Variants in NFYB observed in about 807,000 individuals in gnomAD.
The protein encoded by NFYB is nuclear transcription factor Y subunit beta.
Under a neutral mutation model 28.0 loss-of-function variants are expected in NFYB, and 13 were observed. That is an observed-to-expected ratio of 0.46 (90% CI 0.30 to 0.74). The LOEUF is 0.74. NFYB is among the 30% of genes least tolerant of loss of function. The pLI, the probability that NFYB is intolerant of heterozygous loss-of-function variation, is 0.07. For synonymous variants in NFYB, 74 were observed against 75.0 expected (o/e 0.99, Z 0.07); for missense variants, 142 against 247.6 (o/e 0.57, Z 2.86).
At chr12:104,119,961 A>G (rs2030402111) in intron 7 of NFYB, among the ~76,000 whole-genome samples, 192 bp from the exon 8 acceptor site, 1 of 152,156 alleles carries the variant, frequency 6.6e-6, no homozygotes, top group South Asian at 2.1e-4. Context: ...AACACTATAT[A>G]CTGTTATCTA....
intron 6 of NFYB, among the ~76,000 whole-genome samples, chr12:104,120,891 GACA>G (rs1267530732): frequency 2.0e-5 from 3 of 151,888 alleles, no homozygotes; most frequent in Admixed American, 1.3e-4. Flanking sequence ...TCACCAATAT[GACA>G]ACATGATACT....
At chr12:104,123,569 G>T in intron 4 of NFYB, 146 bp from the exon 5 acceptor site, 1 of 649,946 alleles carries the variant, frequency 1.5e-6, no homozygotes, top group Non-Finnish European at 2.6e-6. Flanking sequence ...TTAACACAAT[G>T]TGTGCTATCA....
intron 3 of NFYB, among the ~76,000 whole-genome samples, chr12:104,126,738 A>G (rs1461566237): frequency 6.6e-6 from 1 of 152,218 alleles, no homozygotes; most frequent in Non-Finnish European, 1.5e-5. Context: ...TAGCTATAAA[A>G]CTTACAGACC....
intron 2 of NFYB, 123 bp from the exon 3 acceptor site, chr12:104,128,640 A>G: frequency 1.9e-6 from 1 of 532,984 alleles, no homozygotes; most frequent in Non-Finnish European, 3.3e-6. Flanking sequence ...TAAGCTTACT[A>G]AAAGAGAATT....
intron 2 of NFYB, among the ~76,000 whole-genome samples, chr12:104,129,303 T>C (rs2030839389): frequency 6.6e-6 from 1 of 151,862 alleles, no homozygotes; most frequent in Non-Finnish European, 1.5e-5. Flanking sequence ...AACCTGTCTC[T>C]TAAAAAAAAA....
Position 104,135,440 on chromosome 12 carries a change from ATACT to A in NFYB, c.6+4_6+7del. ...TAATTAACAACCAAAATGGTAAAAT[ATACT>A]TACTGTCATGAAATACTGTCAGAAC... is the stretch of plus-strand genomic sequence containing the variant. On this transcript the variant is annotated splice_donor_5th_base_variant and intron_variant, in intron 2 of 7. Coordinates refer to ENST00000240055, the MANE Select transcript of NFYB (RefSeq NM_006166.4). 6.3e-7 allele frequency: 1 copy of A among 1,588,146 alleles called. No homozygotes were observed. Among genetic ancestry groups the A allele is most frequent in the Non-Finnish European group, 8.5e-7 (1 of 1,170,642 alleles).
chr12:104,122,163 G>C (rs1469947528), intron 5 of NFYB, among the ~76,000 whole-genome samples: 1 of 151,976 alleles, frequency 6.6e-6, no homozygotes, highest in Non-Finnish European at 1.5e-5. Flanking sequence ...ACATTATTTA[G>C]TACCATCCAT....
At chr12:104,136,674 G>A (rs1008095087) in intron 1 of NFYB, among the ~76,000 whole-genome samples, 3 of 151,926 alleles carry the variant, frequency 2.0e-5, no homozygotes, top group African/African-American at 7.3e-5. Context: ...GTGTGGGCAG[G>A]GAGTCATACC....
intron 1 of NFYB, 45 bp downstream of exon 1, chr12:104,138,096 T>C (rs1271150598): frequency 2.0e-5 from 3 of 147,198 alleles, no homozygotes; most frequent in Admixed American, 6.7e-5. Context: ...CGAGCTAAAG[T>C]GGAGTCGGTT....
In NFYB at chr12:104,117,867, A is replaced by G. The variant is rs962906927; in HGVS notation, c.*1870T>C. 5 of 152,266 alleles carry G rather than the reference A, an allele frequency of 3.3e-5. No individual in the cohort carries two copies. Among genetic ancestry groups the G allele is most frequent in the Admixed American group, 1.3e-4 (2 of 15,286 alleles). The allele number at this position is 152,266 out of a possible 1,614,324, so 9.4% of individuals were successfully genotyped here. The stretch of plus-strand genomic sequence containing the variant: ...TGGAAAATATCTCAAAAATACACTC[A>G]TAACGAAGTATCAAAAGCCTTAAAA... On this transcript the variant is annotated 3_prime_UTR_variant, in exon 8 of 8. Coordinates refer to ENST00000240055, the MANE Select transcript of NFYB (RefSeq NM_006166.4).
intron 4 of NFYB, 142 bp downstream of exon 4, chr12:104,125,972 G>A: frequency 1.3e-6 from 1 of 749,336 alleles, no homozygotes; most frequent in Non-Finnish European, 2.0e-6. Flanking sequence ...CAGTAACTGT[G>A]TATGTAGACA....
chr12:104,125,189 C>T (rs2030637567), intron 4 of NFYB: 1 of 152,294 alleles, frequency 6.6e-6, no homozygotes, highest in Non-Finnish European at 1.5e-5. Flanking sequence ...CTATATCAGA[C>T]CAATACGACC....
chr12:104,135,838 C>T (rs73392511), intron 1 of NFYB, among the ~76,000 whole-genome samples: 5,792 of 152,166 alleles, frequency 0.038, 167 homozygotes, highest in Middle Eastern at 0.085. Flanking sequence ...TTACAATACA[C>T]CAAAAAGGGA....
At chr12:104,137,335 T>A (rs1477770693) in intron 1 of NFYB, 1 of 152,242 alleles carries the variant, frequency 6.6e-6, no homozygotes, top group Non-Finnish European at 1.5e-5. Context: ...CCACCACTAA[T>A]GATTAAAACC....
chr12:104,136,511 A>G (rs563527897), intron 1 of NFYB, among the ~76,000 whole-genome samples: 1 of 152,358 alleles, frequency 6.6e-6, no homozygotes, highest in African/African-American at 2.4e-5. Flanking sequence ...TCAAATATTA[A>G]TAGTATCCTC....
At position 104,118,876 on chromosome 12, in the gene NFYB, T is replaced by C. The variant is rs193115633; in HGVS notation, c.*861A>G. 18 of 152,280 alleles carry C rather than the reference T, an allele frequency of 1.2e-4. No individual in the cohort carries two copies. In the East Asian group the frequency reaches 3.5e-3, roughly 29 times the overall value. 9.4% of individuals were successfully genotyped at this position (152,280 alleles called of 1,614,324 possible). A position where few individuals can be genotyped will look rare whatever the true frequency, so the allele number is the denominator to read the frequency against. On this transcript the variant is annotated 3_prime_UTR_variant, in exon 8 of 8. Transcript: ENST00000240055. ...AATGAAGACATTTACCATCAGACTA[T>C]AAAACTCCTCTTCTGTAAGAGAATA...
In NFYB at chr12:104,117,890, A is replaced by G. The variant is rs1486794774; in HGVS notation, c.*1847T>C. The G allele has an allele frequency of 6.6e-6, 1 of 152,238 alleles. No individual in the cohort carries two copies. The highest frequency in any genetic ancestry group is 2.4e-5 in the African/African-American group (1 of 41,458). The allele number at this position is 152,238 out of a possible 1,614,324, so 9.4% of individuals were successfully genotyped here. ...TCATAACGAAGTATCAAAAGCCTTAAAATTTTGCATATTTGGTAACCCAGC... is the reference window on the plus strand; with the variant it reads ...TCATAACGAAGTATCAAAAGCCTTAGAATTTTGCATATTTGGTAACCCAGC... On this transcript the variant is annotated 3_prime_UTR_variant, in exon 8 of 8. Coordinates refer to ENST00000240055, the MANE Select transcript of NFYB (RefSeq NM_006166.4).
chr12:104,126,934 T>C (rs1024220243), intron 3 of NFYB, among the ~76,000 whole-genome samples: 2 of 152,240 alleles, frequency 1.3e-5, no homozygotes, highest in African/African-American at 4.8e-5. Context: ...TGATTATTAC[T>C]GATCCAGTTG....
intron 2 of NFYB, chr12:104,131,913 C>A (rs1273202569): frequency 5.4e-6 from 2 of 368,376 alleles, no homozygotes; most frequent in East Asian, 1.5e-4. Flanking sequence ...AATCGAATCA[C>A]CTAGTTTGAA....
Sources: allele counts gnomAD v4.1 joint callset (sites outside exome capture counted in the v4.1 genomes callset), GRCh38; gene constraint gnomAD v4.1.1; transcripts MANE v1.5; gene names NCBI Gene and HGNC (gene_info 2026-07-23, HGNC 2026-07-21).